POMT2: variants seen among roughly 807,000 people sequenced by gnomAD.
POMT2 encodes protein O-mannosyltransferase 2.
A neutral mutation model predicts 100.0 loss-of-function variants in POMT2; 75 were observed. That is an observed-to-expected ratio of 0.75 (90% CI 0.62 to 0.91). The LOEUF (loss-of-function observed/expected upper bound fraction) is 0.91. Ranked by LOEUF, POMT2 falls within the 40% of genes least tolerant of loss-of-function variation. The probability of loss-of-function intolerance (pLI) is 0.00; values close to 1 mark genes in which losing one functional copy is unlikely to be tolerated. For synonymous variants in POMT2, 378 were observed against 374.1 expected (o/e 1.01, Z -0.12); for missense variants, 940 against 955.1 (o/e 0.98, Z 0.21).
rs577748192 is a variant in POMT2 at position 77,297,290 on chromosome 14, GC to G, written c.1007-1018del. On this transcript the variant is annotated intron_variant, in intron 8 of 20. Transcript: ENST00000261534. ...TTCTCGACCGCACACTCTCTCAAGG[GC>G]TGCTCCTCCGCAGTCTCCTCTCCTA... is the stretch of plus-strand genomic sequence containing the variant. 9.9e-4 allele frequency among the ~76,000 whole-genome samples: 151 copies of G among 152,236 alleles called. 1 individual carries two copies. Among genetic ancestry groups the G allele is most frequent in the Admixed American group, 2.4e-3 (36 of 15,298 alleles).
intron 16 of POMT2, 31 bp from the exon 17 acceptor site, chr14:77,280,111 G>C: frequency 6.2e-7 from 1 of 1,613,690 alleles, no homozygotes; most frequent in African/African-American, 1.3e-5. Context: ...TGCTGACCCA[G>C]GCCCAGCCCA....
chr14:77,296,465 A>C, intron 8 of POMT2, 192 bp from the exon 9 acceptor site: 1 of 592,870 alleles, frequency 1.7e-6, no homozygotes, highest in Non-Finnish European at 3.0e-6. Flanking sequence ...GGGCCCACTT[A>C]CTCCCCCGCC....
intron 9 of POMT2, among the ~76,000 whole-genome samples, chr14:77,292,047 T>C (rs1488630485): frequency 1.3e-5 from 2 of 152,014 alleles, no homozygotes; most frequent in African/African-American, 4.8e-5. Context: ...AAAAAAGTAA[T>C]TAAGATCATG....
At chr14:77,298,591 G>T in intron 8 of POMT2, 98 bp downstream of exon 8, 1 of 1,323,896 alleles carries the variant, frequency 7.6e-7, no homozygotes, top group Non-Finnish European at 1.1e-6. Flanking sequence ...TGCCATCACA[G>T]GCTAAAATAA....
rs886050827 is a variant in POMT2 at position 77,320,823 on chromosome 14, G to A, written c.-142C>T. On this transcript the variant is annotated 5_prime_UTR_variant, in exon 1 of 21. Coordinates refer to ENST00000261534, the MANE Select transcript of POMT2 (RefSeq NM_013382.7). ...ACTGCAGCGGAGCGCGGGGCCCCGG[G>A]CTCGGGGCGGGGCGGGCAGCGTGGT... The A allele has an allele frequency of 1.9e-4, 258 of 1,375,056 alleles. No homozygotes were observed. The highest frequency in any genetic ancestry group is 2.1e-4 in the Non-Finnish European group (221 of 1,070,564). 85.2% of individuals were successfully genotyped at this position (1,375,056 alleles called of 1,614,324 possible).
At position 77,320,488 on chromosome 14, in the gene POMT2, G is replaced by A. The variant is rs1229618792; in HGVS notation, c.194C>T (p.Thr65Met). The change falls in exon 1 of 21, where the codon ACG becomes ATG. Residue 65 changes from threonine to methionine, a missense_variant. Transcript: ENST00000261534. ...GAAGCGGGTGGCGAAGGACAGCAGC[G>A]TCACCAAGGCCAGCAGGGCCCACCA... ...VGWWALLALVTLLSFATRFHR... is the reference protein window; with the variant it reads ...VGWWALLALVMLLSFATRFHR... 3.2e-6 allele frequency: 5 copies of A among 1,545,910 alleles called. No homozygotes were observed. In the South Asian group the frequency reaches 4.7e-5, roughly 15 times the overall value.
Position 77,278,411 on chromosome 14 carries a change from G to A in POMT2, c.2130C>T (p.Leu710=), listed in dbSNP as rs150438588. ...GIHVAGILSL[L]LGTAYSFYLF... The stretch of plus-strand genomic sequence containing the variant: ...ATGCTCACCTGTAGGCAGTTCCCAG[G>A]AGCAGGCTCAGGATTCCCGCCACAT... The change falls in exon 20 of 21, where the codon CTC becomes CTT. Residue 710 remains leucine, a synonymous_variant. Coordinates refer to ENST00000261534, the MANE Select transcript of POMT2 (RefSeq NM_013382.7). The A allele has an allele frequency of 2.7e-6, 4 of 1,473,060 alleles. No individual in the cohort carries two copies. Among genetic ancestry groups the A allele is most frequent in the South Asian group, 1.2e-5 (1 of 82,454 alleles). The allele number at this position is 1,473,060 out of a possible 1,614,324, so 91.2% of individuals were successfully genotyped here. A position where few individuals can be genotyped will look rare whatever the true frequency, so the allele number is the denominator to read the frequency against.
rs1000876474 is a variant in POMT2 at position 77,277,125 on chromosome 14, C to G, written c.*251G>C. ...ACCCTCTGGCACCCATCCTCCCCTG[C>G]GCTGTGCACGAGGGAGCAGCCCAAG... On this transcript the variant is annotated 3_prime_UTR_variant, in exon 21 of 21. Coordinates refer to ENST00000261534, the MANE Select transcript of POMT2 (RefSeq NM_013382.7). 5.6e-6 allele frequency: 3 copies of G among 539,494 alleles called. No homozygotes were observed. The highest frequency in any genetic ancestry group is 1.0e-5 in the Non-Finnish European group (3 of 297,626). The allele number at this position is 539,494 out of a possible 1,614,324, so 33.4% of individuals were successfully genotyped here.
At chr14:77,316,471 G>A (rs538706917) in intron 1 of POMT2, among the ~76,000 whole-genome samples, 65 of 151,382 alleles carry the variant, frequency 4.3e-4, no homozygotes, top group African/African-American at 1.4e-3. Context: ...CTACTCAGGA[G>A]GCTGAGACAG....
intron 2 of POMT2, among the ~76,000 whole-genome samples, chr14:77,310,011 C>T (rs1048172461): frequency 1.3e-5 from 2 of 152,180 alleles, no homozygotes; most frequent in Admixed American, 6.5e-5. Flanking sequence ...ATCAGCCAGT[C>T]CTGTGCACAT....
intron 9 of POMT2, among the ~76,000 whole-genome samples, chr14:77,294,024 G>C (rs751679887): frequency 9.2e-5 from 14 of 152,062 alleles, no homozygotes; most frequent in Admixed American, 8.5e-4. Flanking sequence ...ATAATGCATG[G>C]GCCTCATCCT....
chr14:77,293,306 A>G (rs1228468741), intron 9 of POMT2, among the ~76,000 whole-genome samples: 1 of 152,200 alleles, frequency 6.6e-6, no homozygotes, highest in African/African-American at 2.4e-5. Flanking sequence ...TTACAAGAGC[A>G]ATTATGATTA....
chr14:77,303,233 T>G (rs1891115041), intron 4 of POMT2, among the ~76,000 whole-genome samples: 1 of 152,078 alleles, frequency 6.6e-6, no homozygotes, highest in Admixed American at 6.5e-5. Flanking sequence ...CAAGGTGTCA[T>G]CCTCATTTCC....
intron 1 of POMT2, among the ~76,000 whole-genome samples, chr14:77,316,566 TA>T (rs60771363): frequency 0.24 from 18,416 of 77,548 alleles, 1,416 homozygotes; most frequent in Middle Eastern, 0.32. Context: ...ATCTCATCTC[TA>T]AAAAAAAAAA....
At chr14:77,286,012 C>G (rs1311336953) in intron 12 of POMT2, among the ~76,000 whole-genome samples, 1 of 152,200 alleles carries the variant, frequency 6.6e-6, no homozygotes, top group Non-Finnish European at 1.5e-5. Flanking sequence ...CCTTGGCTAT[C>G]TAGGTATTCA....
intron 14 of POMT2, 62 bp downstream of exon 14, chr14:77,284,888 A>C: frequency 7.0e-7 from 1 of 1,426,404 alleles, no homozygotes; most frequent in Non-Finnish European, 9.9e-7. Flanking sequence ...TTACTTTTCT[A>C]AGATAAGGGT....
At chr14:77,296,820 C>T (rs1231187519) in intron 8 of POMT2, among the ~76,000 whole-genome samples, 1 of 152,332 alleles carries the variant, frequency 6.6e-6, no homozygotes, top group Admixed American at 6.5e-5. Context: ...TATTGAGAAA[C>T]CTTTTTTCCT....
At chr14:77,299,271 G>T (rs1382936699) in intron 7 of POMT2, among the ~76,000 whole-genome samples, 184 bp downstream of exon 7, 10 of 151,254 alleles carry the variant, frequency 6.6e-5, no homozygotes, top group African/African-American at 2.5e-4. Context: ...TTAGGGTGCT[G>T]GCCTTTCTGA....
intron 2 of POMT2, among the ~76,000 whole-genome samples, chr14:77,310,337 C>T (rs989180118): frequency 6.6e-6 from 1 of 152,130 alleles, no homozygotes; most frequent in Non-Finnish European, 1.5e-5. Context: ...CTTCAGTTCC[C>T]CATCTGTGTA....
Sources: gnomAD v4.1 joint callset for allele counts (sites outside exome capture counted in the v4.1 genomes callset) on GRCh38, gnomAD v4.1.1 for gene constraint, MANE v1.5 for transcripts, NCBI Gene and HGNC (gene_info 2026-07-23, HGNC 2026-07-21) for gene names.